EFNA5: variants seen among roughly 807,000 people sequenced by gnomAD.
EFNA5 encodes the protein ephrin A5.
EFNA5 carries 5 observed loss-of-function variants against 22.9 expected under a neutral mutation model. The observed-to-expected ratio is 0.22, with a 90% CI of 0.11 to 0.46. The LOEUF is 0.46. Ranked by LOEUF, EFNA5 falls within the 20% of genes least tolerant of loss-of-function variation. EFNA5 has a pLI of 0.99. For synonymous variants in EFNA5, 113 were observed against 112.2 expected, an observed-to-expected ratio of 1.01 and a Z score of -0.04; for missense variants, 237 against 293.3, an observed-to-expected ratio of 0.81 and a Z score of 1.40.
At chr5:107,589,262 C>G (rs1270810519) in intron 1 of EFNA5, among the ~76,000 whole-genome samples, 1 of 152,198 alleles carries the variant, frequency 6.6e-6, no homozygotes, top group East Asian at 1.9e-4. Context: ...ATCTATTTAA[C>G]TTGCTCATAA....
intron 1 of EFNA5, among the ~76,000 whole-genome samples, chr5:107,566,181 A>T (rs37447): frequency 0.68 from 103,018 of 152,058 alleles, 36,744 homozygotes; most frequent in African/African-American, 0.91. Context: ...GGCACGCAGG[A>T]CCGGTCAAGC....
rs1561361594 is a variant in EFNA5 at position 107,381,196 on chromosome 5, G to A, written c.*59C>T. Reference sequence around the variant, plus strand: ...CCTTCTTAGGATGAGCAGTTAGGTGGATCTCTGGTGTTCCAAGACCCTGAT... The same window carrying A: ...CCTTCTTAGGATGAGCAGTTAGGTGAATCTCTGGTGTTCCAAGACCCTGAT... On this transcript the variant is annotated 3_prime_UTR_variant, in exon 5 of 5. Coordinates refer to ENST00000333274, the MANE Select transcript of EFNA5 (RefSeq NM_001962.3). The A allele has an allele frequency of 9.0e-6, 14 of 1,555,582 alleles. No individual in the cohort carries two copies. Among genetic ancestry groups the A allele is most frequent in the Non-Finnish European group, 1.2e-5 (14 of 1,139,068 alleles).
chr5:107,572,408 G>A (rs1748833122), intron 1 of EFNA5, among the ~76,000 whole-genome samples: 1 of 152,148 alleles, frequency 6.6e-6, no homozygotes, highest in Admixed American at 6.5e-5. Context: ...TAAAATCCAA[G>A]CAAGCTGAAA....
chr5:107,506,619 G>A (rs570073216), intron 1 of EFNA5, among the ~76,000 whole-genome samples: 66 of 152,190 alleles, frequency 4.3e-4, no homozygotes, highest in African/African-American at 1.5e-3. Context: ...AGGTGTGGAG[G>A]GTGGGCAGCC....
intron 1 of EFNA5, among the ~76,000 whole-genome samples, chr5:107,441,425 G>A (rs959235699): frequency 2.6e-5 from 4 of 152,158 alleles, no homozygotes; most frequent in Non-Finnish European, 5.9e-5. Flanking sequence ...CGTCCTATCT[G>A]CAGAAACACC....
At chr5:107,552,202 C>T (rs757835436) in intron 1 of EFNA5, among the ~76,000 whole-genome samples, 16 of 151,930 alleles carry the variant, frequency 1.1e-4, no homozygotes, top group Non-Finnish European at 1.6e-4. Flanking sequence ...CTGGAAAAAG[C>T]GAGAAAATGC....
At chr5:107,496,252 T>G (rs1230806727) in intron 1 of EFNA5, among the ~76,000 whole-genome samples, 1 of 149,564 alleles carries the variant, frequency 6.7e-6, no homozygotes, top group Non-Finnish European at 1.5e-5. Context: ...AACAGAATCA[T>G]TTGAACCTGG....
intron 2 of EFNA5, among the ~76,000 whole-genome samples, chr5:107,423,112 T>A (rs1748714846): frequency 6.6e-6 from 1 of 152,192 alleles, no homozygotes. Flanking sequence ...AAGTCAATTA[T>A]AATTACATTA....
chr5:107,456,026 C>T (rs1580463043), intron 1 of EFNA5, among the ~76,000 whole-genome samples: 1 of 152,140 alleles, frequency 6.6e-6, no homozygotes. Context: ...TTAGCTTTGA[C>T]AGACATTAAT....
intron 1 of EFNA5, among the ~76,000 whole-genome samples, chr5:107,512,517 G>A (rs1201238885): frequency 6.6e-6 from 1 of 151,792 alleles, no homozygotes; most frequent in Admixed American, 6.6e-5. Context: ...GTCACAGAAG[G>A]CACAAAACTG....
chr5:107,592,631 C>T (rs921505328), intron 1 of EFNA5, among the ~76,000 whole-genome samples: 2 of 152,058 alleles, frequency 1.3e-5, no homozygotes, highest in Non-Finnish European at 2.9e-5. Flanking sequence ...AGCACCAGGC[C>T]GCAGTCAGAA....
At chr5:107,508,084 AG>A (rs1712905725) in intron 1 of EFNA5, among the ~76,000 whole-genome samples, 1 of 152,192 alleles carries the variant, frequency 6.6e-6, no homozygotes, top group South Asian at 2.1e-4. Context: ...GTTACCCAAA[AG>A]TTTCTCCCAT....
intron 4 of EFNA5, among the ~76,000 whole-genome samples, chr5:107,384,247 T>G (rs1747548919): frequency 6.6e-6 from 1 of 152,212 alleles, no homozygotes; most frequent in Admixed American, 6.5e-5. Context: ...AAGAAAACGT[T>G]CCTCTTCAGA....
intron 1 of EFNA5, among the ~76,000 whole-genome samples, chr5:107,574,191 A>T (rs1213516580): frequency 6.6e-6 from 1 of 152,246 alleles, no homozygotes. Context: ...ATAAAGTCAG[A>T]TGGAAAAGAG....
chr5:107,411,367 T>TG (rs1255459863), intron 2 of EFNA5, among the ~76,000 whole-genome samples: 1 of 152,232 alleles, frequency 6.6e-6, no homozygotes, highest in Non-Finnish European at 1.5e-5. Flanking sequence ...CCTCTTTCCT[T>TG]ATCTCATGCA....
At chr5:107,435,298 CT>C (rs1312885502) in intron 1 of EFNA5, among the ~76,000 whole-genome samples, 4 of 133,156 alleles carry the variant, frequency 3.0e-5, no homozygotes, top group Admixed American at 1.5e-4. Flanking sequence ...CTTTCCTATT[CT>C]AAATCTGAAG....
chr5:107,390,334 A>T (rs1364799625), intron 2 of EFNA5, among the ~76,000 whole-genome samples: 3 of 152,210 alleles, frequency 2.0e-5, no homozygotes, highest in African/African-American at 7.2e-5. Flanking sequence ...CTTTATACCA[A>T]CTAAAAAATA....
intron 1 of EFNA5, among the ~76,000 whole-genome samples, chr5:107,473,659 A>G (rs7719424): frequency 7.1e-6 from 1 of 140,920 alleles, no homozygotes; most frequent in Non-Finnish European, 1.6e-5. Flanking sequence ...TTTCACTTGA[A>G]TTTTTTTTTT....
rs141740933 is a variant in EFNA5, at chr5:107,515,279, C to T, written c.126-87770G>A. Among the ~76,000 whole-genome samples, 398 of 151,988 alleles carry T rather than the reference C, an allele frequency of 2.6e-3. 3 individuals are homozygous for T. The highest frequency in any genetic ancestry group is 8.2e-3 in the African/African-American group (339 of 41,440). On this transcript the variant is annotated intron_variant, in intron 1 of 4. Transcript: ENST00000333274. ...TCTCAACTCCTGACGTCAAGTGATCCGCCTGCCTCAGCCTCCCAAAGTGCT... is the reference window on the plus strand; with the variant it reads ...TCTCAACTCCTGACGTCAAGTGATCTGCCTGCCTCAGCCTCCCAAAGTGCT...
Sources: allele counts gnomAD v4.1 joint callset (sites outside exome capture counted in the v4.1 genomes callset), GRCh38; gene constraint gnomAD v4.1.1; transcripts MANE v1.5; gene names NCBI Gene and HGNC (gene_info 2026-07-23, HGNC 2026-07-21).